Variants in IDS observed in about 807,000 individuals in gnomAD.
IDS encodes alpha-L-iduronate sulfate sulfatase.
IDS carries 1 observed loss-of-function variant against 33.5 expected under a neutral mutation model. The observed-to-expected ratio is 0.03, with a 90% CI of 0.01 to 0.14. IDS has a LOEUF of 0.14. Ranked by LOEUF, IDS falls within the 10% of genes least tolerant of loss-of-function variation. The probability of loss-of-function intolerance (pLI) is 1.00; values close to 1 mark genes in which losing one functional copy is unlikely to be tolerated. For synonymous variants in IDS, 191 were observed against 184.4 expected (o/e 1.04, Z -0.29); for missense variants, 328 against 448.0 (o/e 0.73, Z 2.42).
In IDS at chrX:149,482,431, C is replaced by G. The variant is rs781831717; in HGVS notation, c.*315G>C. On this transcript the variant is annotated 3_prime_UTR_variant, in exon 9 of 9. Coordinates refer to ENST00000340855, the MANE Select transcript of IDS (RefSeq NM_000202.8). ...GTTATGTTTGGTTATTATGTATGGT[C>G]TTCGTATCCAAAGGTATGACATAAC... The G allele has an allele frequency of 3.7e-5, 10 of 271,033 alleles. No individual in the cohort carries two copies. The highest frequency in any genetic ancestry group is 5.8e-5 in the Non-Finnish European group (9 of 154,279). The allele number at this position is 271,033 out of a possible 1,213,427, so 22.3% of individuals were successfully genotyped here. A position where few individuals can be genotyped will look rare whatever the true frequency, so the allele number is the denominator to read the frequency against.
intron 8 of IDS, among the ~76,000 whole-genome samples, chrX:149,483,653 A>C (rs2089311613): frequency 8.9e-6 from 1 of 112,198 alleles, no homozygotes; most frequent in African/African-American, 3.2e-5. Context: ...TCAAATACAC[A>C]CACCATGACA....
At chrX:149,491,682 C>T in intron 6 of IDS, 1 of 991,515 alleles carries the variant, frequency 1.0e-6, no homozygotes, top group Non-Finnish European at 1.3e-6. Context: ...GGATGAAAGA[C>T]ACCTGTCAGG....
intron 6 of IDS, chrX:149,491,490 C>G (rs2089391356): frequency 2.2e-6 from 2 of 917,216 alleles, no homozygotes; most frequent in Non-Finnish European, 2.8e-6. Context: ...GCTGGACCCA[C>G]CAGCTTCTTC....
chrX:149,483,483 G>A (rs1443548329), intron 8 of IDS, among the ~76,000 whole-genome samples: 1 of 111,212 alleles, frequency 9.0e-6, no homozygotes, highest in African/African-American at 3.3e-5. Flanking sequence ...TGGAACCACC[G>A]ATTTAATAAC....
chrX:149,486,818 A>AG (rs781902708), intron 8 of IDS, 107 bp downstream of exon 8: 31 of 847,351 alleles, frequency 3.7e-5, no homozygotes, highest in South Asian at 1.7e-4. Flanking sequence ...CAAGGCAGGA[A>AG]GGGGGGGTCT....
intron 8 of IDS, among the ~76,000 whole-genome samples, chrX:149,486,430 G>A (rs983944951): frequency 1.3e-4 from 15 of 111,304 alleles, no homozygotes; most frequent in African/African-American, 4.9e-4. Context: ...TGCTGGGGAG[G>A]GCAGAGTAGA....
In IDS at chrX:149,503,465, C is replaced by T. The variant is rs1557340275; in HGVS notation, c.265G>A (p.Val89Ile). Residue 89 changes from valine to isoleucine, a missense_variant, in exon 3 of 9, where the codon GTT becomes ATT. By Grantham distance (29) the Val-to-Ile change is conservative. Around this residue, in one of 4 missense-constraint regions of IDS, gnomAD observed 3 missense variants for 44.0 expected, o/e 0.07. Coordinates refer to ENST00000340855, the MANE Select transcript of IDS (RefSeq NM_000202.8). Reference sequence around the variant, plus strand: ...GGTCTCCTGCCAGTGAGGAAAGAAACGCGGCTCGGGGCGCACACTGCTTGC... The same window carrying T: ...GGTCTCCTGCCAGTGAGGAAAGAAATGCGGCTCGGGGCGCACACTGCTTGC... The part of the protein sequence containing the change: ...AQQAVCAPSR[V>I]SFLTGRRPDT... 16 of 1,162,348 alleles carry T rather than the reference C, an allele frequency of 1.4e-5. No individual in the cohort carries two copies. Among genetic ancestry groups the T allele is most frequent in the Admixed American group, 7.3e-5 (3 of 40,826 alleles).
chrX:149,493,615 G>C (rs1557338977), intron 6 of IDS, among the ~76,000 whole-genome samples: 1 of 111,186 alleles, frequency 9.0e-6, no homozygotes, highest in African/African-American at 3.3e-5. Context: ...GGAAGATCTT[G>C]CTCATTCTGC....
At position 149,482,983 on chromosome X, in the gene IDS, G is replaced by A. The variant is rs2123994324; in HGVS notation, c.1416C>T (p.Ile472=). The A allele has an allele frequency of 1.7e-6, 2 of 1,210,645 alleles. No homozygotes were observed. Among genetic ancestry groups the A allele is most frequent in the Non-Finnish European group, 2.2e-6 (2 of 894,414 alleles). The part of the protein sequence containing the change: ...AYSQYPRPSD[I]PQWNSDKPSL... Reference sequence around the variant, plus strand: ...TCGGCTTGTCAGAATTCCACTGAGGGATGTCTGAAGGCCGGGGATACTGGC... The same window carrying A: ...TCGGCTTGTCAGAATTCCACTGAGGAATGTCTGAAGGCCGGGGATACTGGC... The change falls in exon 9 of 9, where the codon ATC becomes ATT. Residue 472 remains isoleucine, a synonymous_variant. Transcript: ENST00000340855.
intron 8 of IDS, among the ~76,000 whole-genome samples, chrX:149,484,454 T>C (rs1557337811): frequency 8.9e-6 from 1 of 112,330 alleles, no homozygotes; most frequent in Non-Finnish European, 1.9e-5. Flanking sequence ...CCTGAGTAGC[T>C]GGGATTACAG....
chrX:149,477,216 C>T lies in IDS; in HGVS notation c.*5530G>A, dbSNP rs1013491808. On this transcript the variant is annotated 3_prime_UTR_variant, in exon 9 of 9. Transcript: ENST00000340855. ...GCTTCAGTCCTACTCCAAACCTTCTCACCCATATAAATCATAGTCCCTGAC... is the reference window on the plus strand; with the variant it reads ...GCTTCAGTCCTACTCCAAACCTTCTTACCCATATAAATCATAGTCCCTGAC... 3.7e-4 allele frequency: 42 copies of T among 112,498 alleles called. No individual in the cohort carries two copies. The highest frequency in any genetic ancestry group is 1.4e-3 in the African/African-American group (42 of 30,932). The allele number at this position is 112,498 out of a possible 1,213,427, so 9.3% of individuals were successfully genotyped here. A position where few individuals can be genotyped will look rare whatever the true frequency, so the allele number is the denominator to read the frequency against.
intron 4 of IDS, among the ~76,000 whole-genome samples, chrX:149,499,985 G>A (rs1038284876): frequency 3.6e-5 from 4 of 111,654 alleles, no homozygotes; most frequent in African/African-American, 9.8e-5. Context: ...CTCAAAGAGT[G>A]TTGCCTTTTC....
At chrX:149,495,734 C>T (rs1329276511) in intron 6 of IDS, 2 of 118,552 alleles carry the variant, frequency 1.7e-5, no homozygotes, top group African/African-American at 3.2e-5. Context: ...GTGTATTCTG[C>T]TCTCCAGGGA....
Position 149,479,970 on chromosome X carries a change from C to G in IDS, c.*2776G>C. On this transcript the variant is annotated 3_prime_UTR_variant, in exon 9 of 9. Transcript: ENST00000340855. ...GTCTAGAGAGTCACAAAAACCTCAG[C>G]CTCCTTCGGGAGGGGGGGAGCTTGG... 3.9e-6 allele frequency: 1 copy of G among 256,493 alleles called. No homozygotes were observed. Among genetic ancestry groups the G allele is most frequent in the African/African-American group, 2.8e-5 (1 of 36,144 alleles). The allele number at this position is 256,493 out of a possible 1,213,427, so 21.1% of individuals were successfully genotyped here. A position where few individuals can be genotyped will look rare whatever the true frequency, so the allele number is the denominator to read the frequency against.
At position 149,482,882 on chromosome X, in the gene IDS, T is replaced by C. The variant is rs1454231600; in HGVS notation, c.1517A>G (p.Asn506Ser). 2.5e-6 allele frequency: 3 copies of C among 1,210,061 alleles called. No individual in the cohort carries two copies. Among genetic ancestry groups the C allele is most frequent in the African/African-American group, 3.5e-5 (2 of 57,218 alleles). Reference protein sequence around the residue: ...DYRYTVWVGFNPDEFLANFSD... With the variant: ...DYRYTVWVGFSPDEFLANFSD... ...AAAGTTAGCTAGAAATTCATCAGGA[T>C]TGAAGCCAACCCACACAGTATACCT... Residue 506 changes from asparagine (N) to serine (S), a missense_variant, in exon 9 of 9, where the codon AAT (asparagine) becomes AGT (serine). By Grantham distance (46) the Asn-to-Ser change is conservative (BLOSUM62 1). This residue lies in a region of IDS where 265 missense variants were observed against 339.2 expected (regional missense o/e 0.78). Transcript: ENST00000340855.
chrX:149,491,738 C>T, intron 6 of IDS: 6 of 827,397 alleles, frequency 7.3e-6, no homozygotes, highest in Non-Finnish European at 9.6e-6. Context: ...CTATGCTAGC[C>T]CCTGGACGTA....
chrX:149,489,149 G>C (rs782660415), intron 7 of IDS, among the ~76,000 whole-genome samples: 3 of 112,334 alleles, frequency 2.7e-5, no homozygotes, highest in South Asian at 3.7e-4. Context: ...GGGCACCGAG[G>C]GCTCAGAAGC....
Position 149,483,207 on chromosome X carries a change from T to C in IDS, c.1192A>G (p.Met398Val). The C allele has an allele frequency of 3.3e-6, 4 of 1,208,205 alleles. No homozygotes were observed. The highest frequency in any genetic ancestry group is 1.8e-5 in the South Asian group (1 of 56,880). The change falls in exon 9 of 9, where the codon ATG becomes GTG. Residue 398 changes from methionine (M) to valine (V), a missense_variant. By Grantham distance (21) the Met-to-Val change is conservative. Coordinates refer to ENST00000340855, the MANE Select transcript of IDS (RefSeq NM_000202.8). The stretch of plus-strand genomic sequence containing the variant: ...AGAGACACAAGTTCCACAAGGTCCA[T>C]GGATTGCCTGCCTGAAACAGGAAGC... ...SQLMEPGRQS[M>V]DLVELVSLFP...
At chrX:149,497,635 C>T (rs782363966) in intron 5 of IDS, among the ~76,000 whole-genome samples, 1 of 112,566 alleles carries the variant, frequency 8.9e-6, no homozygotes, top group East Asian at 2.8e-4. Flanking sequence ...AAATGACATA[C>T]AAGCAAGTAC....
Sources: gnomAD v4.1 joint callset for allele counts (sites outside exome capture counted in the v4.1 genomes callset) on GRCh38, gnomAD v4.1.1 for gene constraint, gnomAD v4.1.1 regional missense constraint, MANE v1.5 for transcripts, NCBI Gene and HGNC (gene_info 2026-07-23, HGNC 2026-07-21) for gene names.